Variants in SORCS1 observed in about 807,000 individuals in gnomAD.
SORCS1 encodes sortilin related VPS10 domain containing receptor 1.
Under a neutral mutation model 146.1 loss-of-function variants are expected in SORCS1, and 60 were observed. The ratio of observed to expected loss-of-function variants is 0.41; its 90% CI spans 0.33 to 0.51. SORCS1 has a LOEUF of 0.51. Among genes scored for constraint, SORCS1 ranks in the 20% least tolerant of loss-of-function variants. The pLI is 0.21. For missense variants in SORCS1, 1,352 were observed against 1,487.6 expected, an observed-to-expected ratio of 0.91 and a Z score of 1.50; for synonymous variants, 637 against 584.0, an observed-to-expected ratio of 1.09 and a Z score of -1.31.
At chr10:106,787,102 C>A (rs574897427) in intron 3 of SORCS1, among the ~76,000 whole-genome samples, 62 of 152,122 alleles carry the variant, frequency 4.1e-4, no homozygotes, top group Non-Finnish European at 7.9e-4. Context: ...TGTGCCTAAG[C>A]AACTCTCTAA....
chr10:107,178,024 A>G, the SORCS1 span, among the ~76,000 whole-genome samples: 3 of 152,126 alleles, frequency 2.0e-5, no homozygotes, highest in African/African-American at 7.2e-5. Flanking sequence ...GGGAGGAAGG[A>G]GAGCATGAAG....
At chr10:107,031,617 G>A (rs11193175) in intron 1 of SORCS1, among the ~76,000 whole-genome samples, 1 of 150,024 alleles carries the variant, frequency 6.7e-6, no homozygotes, top group East Asian at 1.9e-4. Context: ...TTTTTTTGGT[G>A]GGGGGGAATA....
intron 10 of SORCS1, among the ~76,000 whole-genome samples, chr10:106,681,396 C>T (rs1852423660): frequency 6.6e-6 from 1 of 152,170 alleles, no homozygotes; most frequent in Non-Finnish European, 1.5e-5. Flanking sequence ...TCTAAGAATA[C>T]ACTCTATAAA....
intron 2 of SORCS1, among the ~76,000 whole-genome samples, chr10:106,901,283 T>C (rs1408284376): frequency 1.3e-5 from 2 of 152,240 alleles, no homozygotes; most frequent in Non-Finnish European, 2.9e-5. Context: ...TACATTTCTA[T>C]AGTTTTTTTT....
At chr10:107,146,955 C>T (rs1215532762) in intron 1 of SORCS1, among the ~76,000 whole-genome samples, 3 of 152,118 alleles carry the variant, frequency 2.0e-5, no homozygotes, top group Middle Eastern at 3.4e-3. Context: ...ATATGTGTTT[C>T]CCCTCAAATA....
chr10:106,903,623 A>G (rs1047489347), intron 2 of SORCS1, among the ~76,000 whole-genome samples: 7 of 152,228 alleles, frequency 4.6e-5, no homozygotes, highest in African/African-American at 1.7e-4. Flanking sequence ...GAGAAAAGAA[A>G]AGAGTGACGA....
chr10:106,979,585 A>C (rs1956168824), intron 1 of SORCS1, among the ~76,000 whole-genome samples: 1 of 152,112 alleles, frequency 6.6e-6, no homozygotes, highest in Non-Finnish European at 1.5e-5. Flanking sequence ...AAACAAACAA[A>C]AAACAAAAAA....
intron 1 of SORCS1, among the ~76,000 whole-genome samples, chr10:107,030,628 A>G (rs1053489438): frequency 6.6e-6 from 1 of 152,228 alleles, no homozygotes; most frequent in African/African-American, 2.4e-5. Flanking sequence ...TTAAAAAGTT[A>G]ATGAAAAAAC....
intron 2 of SORCS1, among the ~76,000 whole-genome samples, chr10:106,885,267 A>T (rs961814616): frequency 5.6e-5 from 8 of 142,884 alleles, no homozygotes; most frequent in Non-Finnish European, 1.2e-4. Flanking sequence ...AATATAATAA[A>T]GTTTTTAAGG....
intron 17 of SORCS1, among the ~76,000 whole-genome samples, chr10:106,666,129 T>C (rs1291123058): frequency 1.3e-5 from 2 of 152,188 alleles, no homozygotes; most frequent in African/African-American, 4.8e-5. Context: ...CGTGAGCCAC[T>C]GCACCCGGCC....
chr10:106,688,079 T>C, intron 10 of SORCS1, 113 bp downstream of exon 10: 1 of 1,443,140 alleles, frequency 6.9e-7, no homozygotes, highest in Non-Finnish European at 9.3e-7. Context: ...CCTTCCCCAC[T>C]CCCTTTTGTT....
At chr10:107,030,798 G>A (rs989176870) in intron 1 of SORCS1, among the ~76,000 whole-genome samples, 1 of 152,090 alleles carries the variant, frequency 6.6e-6, no homozygotes, top group African/African-American at 2.4e-5. Context: ...AAATAAAGAG[G>A]AAAGCTATAC....
At chr10:106,759,258 C>G (rs1295732975) in intron 5 of SORCS1, among the ~76,000 whole-genome samples, 1 of 152,116 alleles carries the variant, frequency 6.6e-6, no homozygotes, top group East Asian at 1.9e-4. Context: ...CAGGAGGAAT[C>G]AAGAGGAGAT....
chr10:106,637,994 G>C (rs1024152302), intron 18 of SORCS1, among the ~76,000 whole-genome samples: 92 of 152,316 alleles, frequency 6.0e-4, no homozygotes, highest in East Asian at 1.4e-3. Flanking sequence ...TACTTAGCTT[G>C]TGTAAGCAGA....
At chr10:106,790,364 G>T (rs1443153514) in intron 3 of SORCS1, among the ~76,000 whole-genome samples, 1 of 152,186 alleles carries the variant, frequency 6.6e-6, no homozygotes, top group Non-Finnish European at 1.5e-5. Context: ...TTAATCCGGT[G>T]CTGCAGCCAA....
At chr10:107,065,956 A>G (rs1223968199) in intron 1 of SORCS1, among the ~76,000 whole-genome samples, 1 of 152,224 alleles carries the variant, frequency 6.6e-6, no homozygotes, top group Non-Finnish European at 1.5e-5. Context: ...ATTCAAACCC[A>G]GACTGTTTGA....
At chr10:106,619,649 A>G (rs1390377048) in intron 20 of SORCS1, among the ~76,000 whole-genome samples, 1 of 152,122 alleles carries the variant, frequency 6.6e-6, no homozygotes, top group Non-Finnish European at 1.5e-5. Flanking sequence ...CCTGGTGTAG[A>G]GGAAAGAAAC....
chr10:106,598,339 G>A (rs1047804431), intron 23 of SORCS1, among the ~76,000 whole-genome samples: 6 of 151,180 alleles, frequency 4.0e-5, no homozygotes, highest in South Asian at 4.2e-4. Context: ...TCAGCTCACC[G>A]CAACCTCCAC....
At chr10:106,644,865 T>A (rs1218084852) in intron 18 of SORCS1, among the ~76,000 whole-genome samples, 1 of 152,256 alleles carries the variant, frequency 6.6e-6, no homozygotes, top group African/African-American at 2.4e-5. Context: ...TTATGTATTC[T>A]ACTATTCATG....
Sources: gnomAD v4.1 joint callset for allele counts (sites outside exome capture counted in the v4.1 genomes callset) on GRCh38, gnomAD v4.1.1 for gene constraint, MANE v1.5 for transcripts, NCBI Gene and HGNC (gene_info 2026-07-23, HGNC 2026-07-21) for gene names.